The following CCDC102B variants were observed in gnomAD, a reference collection of about 807,000 sequenced individuals.
CCDC102B encodes the protein coiled-coil domain-containing protein 102B.
In CCDC102B, 75 loss-of-function variants were observed where a neutral mutation model predicts 57.4. The ratio of observed to expected loss-of-function variants is 1.31; its 90% CI spans 1.08 to 1.58. The LOEUF (loss-of-function observed/expected upper bound fraction) is 1.58. CCDC102B is among the 40% of genes most tolerant of loss of function. The pLI, the probability that CCDC102B is intolerant of heterozygous loss-of-function variation, is 0.00. For synonymous variants in CCDC102B, 206 were observed against 201.9 expected (o/e 1.02, Z -0.17); for missense variants, 636 against 582.6 (o/e 1.09, Z -0.94).
intron 2 of CCDC102B, among the ~76,000 whole-genome samples, chr18:68,732,931 A>G (rs2032949254): frequency 6.6e-6 from 1 of 152,154 alleles, no homozygotes; most frequent in Admixed American, 6.6e-5. Flanking sequence ...GGACTTCCAT[A>G]GACTGATTTA....
In CCDC102B at chr18:68,897,339, G is replaced by T; in HGVS notation, c.1174G>T (p.Glu392Ter). Residue 392 changes from glutamate to a stop codon, truncating the protein, a stop_gained, in exon 6 of 8, where the codon GAG (glutamate) becomes TAG (stop). Coordinates refer to ENST00000360242, the MANE Select transcript of CCDC102B (RefSeq NM_024781.3). LOFTEE classifies it high-confidence loss of function. ...GAAGATCCAGGTGAAAGAAATGGAAGAGCTTTTGGATAAGAAAAATAGATT... is the reference window on the plus strand; with the variant it reads ...GAAGATCCAGGTGAAAGAAATGGAATAGCTTTTGGATAAGAAAAATAGATT... Reference protein sequence around the residue: ...RLKIQVKEMEELLDKKNRLSA... With the variant: ...RLKIQVKEME 6.2e-7 allele frequency: 1 copy of T among 1,613,094 alleles called. No individual in the cohort carries two copies. The highest frequency in any genetic ancestry group is 8.5e-7 in the Non-Finnish European group (1 of 1,179,320).
At chr18:68,758,878 T>A (rs2034148831) in intron 2 of CCDC102B, among the ~76,000 whole-genome samples, 1 of 148,736 alleles carries the variant, frequency 6.7e-6, no homozygotes. Flanking sequence ...CAAAACAAAC[T>A]TAACAAATAA....
At chr18:68,751,243 T>TGA (rs1268444328) in intron 2 of CCDC102B, among the ~76,000 whole-genome samples, 3 of 152,190 alleles carry the variant, frequency 2.0e-5, no homozygotes, top group African/African-American at 4.8e-5. Flanking sequence ...AAAGTTCCTG[T>TGA]GAACATCTGT....
At chr18:68,799,252 G>A (rs2035756444) in intron 1 of CCDC102B, among the ~76,000 whole-genome samples, 1 of 152,066 alleles carries the variant, frequency 6.6e-6, no homozygotes, top group African/African-American at 2.4e-5. Context: ...TATCTGTGTA[G>A]GTTTGTGTGA....
At chr18:69,037,837 G>T (rs1326509482) in intron 7 of CCDC102B, among the ~76,000 whole-genome samples, 1 of 151,904 alleles carries the variant, frequency 6.6e-6, no homozygotes, top group Non-Finnish European at 1.5e-5. Flanking sequence ...TAGCACTGGG[G>T]GCTATTGCGG....
chr18:68,786,636 A>G (rs1210420930), intron 2 of CCDC102B, among the ~76,000 whole-genome samples: 52 of 126,472 alleles, frequency 4.1e-4, no homozygotes, highest in African/African-American at 1.1e-3. Flanking sequence ...TTTGTCTGTT[A>G]TTGGTGTATA....
intron 6 of CCDC102B, among the ~76,000 whole-genome samples, chr18:68,929,792 A>G (rs1438308206): frequency 1.3e-5 from 2 of 151,878 alleles, no homozygotes; most frequent in Non-Finnish European, 2.9e-5. Context: ...GGCTATAAGA[A>G]GTAAACAAAT....
intron 2 of CCDC102B, among the ~76,000 whole-genome samples, chr18:68,729,085 A>G (rs910688118): frequency 1.3e-5 from 2 of 152,198 alleles, no homozygotes; most frequent in African/African-American, 4.8e-5. Flanking sequence ...AATAGCAATC[A>G]AGAGAAAACA....
chr18:68,770,540 A>G (rs781573206), intron 2 of CCDC102B, among the ~76,000 whole-genome samples: 2 of 152,150 alleles, frequency 1.3e-5, no homozygotes, highest in Non-Finnish European at 2.9e-5. Context: ...TTGTGGATGC[A>G]TCCTCCTACC....
chr18:68,760,791 C>G (rs2034229197), intron 2 of CCDC102B, among the ~76,000 whole-genome samples: 1 of 151,990 alleles, frequency 6.6e-6, no homozygotes, highest in Admixed American at 6.6e-5. Context: ...AAGAAAGAGG[C>G]AGAAAACCAG....
intron 6 of CCDC102B, among the ~76,000 whole-genome samples, chr18:68,989,798 A>G (rs1431613795): frequency 6.6e-6 from 1 of 152,170 alleles, no homozygotes. Flanking sequence ...TCTACTCGTC[A>G]TTAGAGGTAC....
At chr18:68,744,947 T>C (rs574693882) in intron 2 of CCDC102B, among the ~76,000 whole-genome samples, 8 of 152,262 alleles carry the variant, frequency 5.3e-5, no homozygotes, top group East Asian at 3.9e-4. Flanking sequence ...CTGACTGTTA[T>C]TGAGTTTCCT....
chr18:68,728,327 G>T (rs1211550559), intron 2 of CCDC102B, among the ~76,000 whole-genome samples: 2 of 152,070 alleles, frequency 1.3e-5, no homozygotes, highest in Non-Finnish European at 2.9e-5. Context: ...TTCATTCAAG[G>T]GTATTTGAAT....
intron 6 of CCDC102B, among the ~76,000 whole-genome samples, chr18:68,958,011 T>C (rs2049948492): frequency 6.6e-6 from 1 of 152,186 alleles, no homozygotes; most frequent in Non-Finnish European, 1.5e-5. Context: ...CAGTTCCACG[T>C]GGCTGGGGAG....
intron 4 of CCDC102B, among the ~76,000 whole-genome samples, chr18:68,872,277 A>G (rs2039268062): frequency 6.6e-6 from 1 of 152,152 alleles, no homozygotes; most frequent in African/African-American, 2.4e-5. Flanking sequence ...CAGACACTTA[A>G]AAATTGCCAG....
In CCDC102B at chr18:69,002,663, C is replaced by A. The variant is rs1317097846; in HGVS notation, c.1264-8271C>A. 2.0e-5 allele frequency among the ~76,000 whole-genome samples: 3 copies of A among 152,132 alleles called. No homozygotes were observed. In the East Asian group the frequency reaches 5.8e-4, roughly 29 times the overall value. Reference sequence around the variant, plus strand: ...GATGAAAATATCGTAACTGAATCAACTTTATTGTAATTTTCCCTTAACTAG... The same window carrying A: ...GATGAAAATATCGTAACTGAATCAAATTTATTGTAATTTTCCCTTAACTAG... On this transcript the variant is annotated intron_variant, in intron 6 of 7. Coordinates refer to ENST00000360242, the MANE Select transcript of CCDC102B (RefSeq NM_024781.3).
At chr18:68,740,677 C>G (rs969954888) in intron 2 of CCDC102B, among the ~76,000 whole-genome samples, 3 of 152,248 alleles carry the variant, frequency 2.0e-5, no homozygotes, top group Admixed American at 2.0e-4. Context: ...CATGAGTAAC[C>G]CAGTGCTGCC....
chr18:68,928,054 G>A (rs147139026), intron 6 of CCDC102B, among the ~76,000 whole-genome samples: 25 of 152,010 alleles, frequency 1.6e-4, no homozygotes, highest in Non-Finnish European at 1.0e-4. Flanking sequence ...TGTTAGAGGT[G>A]TGAACTTGAG....
intron 6 of CCDC102B, among the ~76,000 whole-genome samples, chr18:68,969,680 T>C (rs1261758393): frequency 1.3e-5 from 2 of 152,050 alleles, no homozygotes; most frequent in Non-Finnish European, 2.9e-5. Context: ...TGTTGTGTTT[T>C]TTTGTGTTAT....
Sources: gnomAD v4.1 joint callset for allele counts (sites outside exome capture counted in the v4.1 genomes callset) on GRCh38, gnomAD v4.1.1 for gene constraint, MANE v1.5 for transcripts, NCBI Gene and HGNC (gene_info 2026-07-23, HGNC 2026-07-21) for gene names.